CSMD3: variants seen among roughly 807,000 people sequenced by gnomAD.
The protein encoded by CSMD3 is CUB and Sushi multiple domains 3, also known as CUB and sushi domain-containing protein 3.
A neutral mutation model predicts 435.2 loss-of-function variants in CSMD3; 177 were observed. That is an observed-to-expected ratio of 0.41 (90% CI 0.36 to 0.46). The LOEUF is 0.46. Among genes scored for constraint, CSMD3 ranks in the 20% least tolerant of loss-of-function variants. CSMD3 has a pLI of 0.34. For missense variants in CSMD3, 4,265 were observed against 4,504.6 expected, an observed-to-expected ratio of 0.95 and a Z score of 1.52; for synonymous variants, 1,656 against 1,520.5, an observed-to-expected ratio of 1.09 and a Z score of -2.07.
intron 3 of CSMD3, among the ~76,000 whole-genome samples, chr8:113,215,234 C>T (rs761578196): frequency 3.3e-5 from 5 of 151,868 alleles, no homozygotes; most frequent in Non-Finnish European, 4.4e-5. Flanking sequence ...AAAATTCTGA[C>T]ATGGTTTGGT....
chr8:113,265,468 G>C (rs1439851616), intron 3 of CSMD3, among the ~76,000 whole-genome samples: 1 of 151,582 alleles, frequency 6.6e-6, no homozygotes, highest in African/African-American at 2.4e-5. Context: ...GGTTGTGTAT[G>C]CTACACTAAG....
intron 56 of CSMD3, among the ~76,000 whole-genome samples, chr8:112,290,019 A>ATTTTCCT (rs1445753606): frequency 2.0e-5 from 3 of 152,126 alleles, no homozygotes; most frequent in Non-Finnish European, 4.4e-5. Context: ...GATTCAATGA[A>ATTTTCCT]GATTGATCTG....
At chr8:113,311,214 T>C (rs940838660) in intron 2 of CSMD3, 2 of 152,270 alleles carry the variant, frequency 1.3e-5, no homozygotes, top group African/African-American at 4.8e-5. Flanking sequence ...TCAGCACTTG[T>C]TCTAAGATAA....
At chr8:112,766,599 T>C (rs959595348) in intron 13 of CSMD3, among the ~76,000 whole-genome samples, 3 of 152,008 alleles carry the variant, frequency 2.0e-5, no homozygotes, top group East Asian at 3.9e-4. Flanking sequence ...TCAGCATCTT[T>C]ACTAGCAATG....
rs111398037 is a variant in CSMD3 at position 113,018,606 on chromosome 8, C to T, written c.1030+461G>A. 6.0e-3 allele frequency among the ~76,000 whole-genome samples: 906 copies of T among 152,086 alleles called. 4 individuals carry two copies. The highest frequency in any genetic ancestry group is 0.019 in the African/African-American group (799 of 41,494). On this transcript the variant is annotated intron_variant, in intron 6 of 70. Transcript: ENST00000297405. ...AAGTTAATGCATCAAATATTATATC[C>T]TATGTATTGAAAATTATTTATGTTA...
At chr8:112,892,901 A>G (rs2081840346) in intron 10 of CSMD3, among the ~76,000 whole-genome samples, 1 of 151,486 alleles carries the variant, frequency 6.6e-6, no homozygotes, top group South Asian at 2.1e-4. Context: ...TTTGTTAACC[A>G]TTCAATCTCC....
chr8:112,547,226 G>A (rs1217058141), intron 27 of CSMD3, among the ~76,000 whole-genome samples: 1 of 151,888 alleles, frequency 6.6e-6, no homozygotes. Context: ...CCTTAAGTTT[G>A]GATAGTAAAT....
intron 13 of CSMD3, among the ~76,000 whole-genome samples, chr8:112,798,112 G>C (rs2078871924): frequency 1.3e-5 from 2 of 151,848 alleles, no homozygotes; most frequent in Admixed American, 6.6e-5. Context: ...AGCTAACGAA[G>C]TCTTCATAGA....
chr8:112,635,759 C>T (rs1298458548), intron 22 of CSMD3, among the ~76,000 whole-genome samples: 1 of 152,114 alleles, frequency 6.6e-6, no homozygotes, highest in Non-Finnish European at 1.5e-5. Context: ...CAGGAATTCC[C>T]ACATTCTATA....
intron 4 of CSMD3, among the ~76,000 whole-genome samples, chr8:113,164,564 G>C (rs2092113508): frequency 6.6e-6 from 1 of 151,718 alleles, no homozygotes; most frequent in Non-Finnish European, 1.5e-5. Context: ...AATGGAAAAA[G>C]CCTAAGAAAA....
At chr8:112,522,455 T>G (rs1315332051) in intron 27 of CSMD3, among the ~76,000 whole-genome samples, 1 of 151,862 alleles carries the variant, frequency 6.6e-6, no homozygotes, top group African/African-American at 2.4e-5. Context: ...CATTCGTCAT[T>G]AAGTAACACG....
intron 4 of CSMD3, among the ~76,000 whole-genome samples, chr8:113,152,787 T>C (rs575044301): frequency 6.6e-6 from 1 of 151,822 alleles, no homozygotes; most frequent in Non-Finnish European, 1.5e-5. Flanking sequence ...GAAACTAGCC[T>C]GGCCAACATT....
chr8:113,012,663 G>A (rs1160681361), intron 6 of CSMD3, among the ~76,000 whole-genome samples: 2 of 151,974 alleles, frequency 1.3e-5, no homozygotes, highest in Non-Finnish European at 2.9e-5. Flanking sequence ...TGTCATGAGT[G>A]TAAGTTTCCT....
intron 13 of CSMD3, among the ~76,000 whole-genome samples, chr8:112,700,732 T>G (rs965456943): frequency 6.6e-6 from 1 of 152,056 alleles, no homozygotes; most frequent in Non-Finnish European, 1.5e-5. Context: ...AATTGCAACA[T>G]AAACTACTAT....
At chr8:113,198,944 T>G (rs567063783) in intron 3 of CSMD3, among the ~76,000 whole-genome samples, 4 of 151,484 alleles carry the variant, frequency 2.6e-5, no homozygotes, top group African/African-American at 9.6e-5. Flanking sequence ...AATTTCCTGC[T>G]TGAAATAAAT....
At chr8:113,407,363 A>T (rs1443879586) in intron 1 of CSMD3, among the ~76,000 whole-genome samples, 1 of 152,160 alleles carries the variant, frequency 6.6e-6, no homozygotes, top group Non-Finnish European at 1.5e-5. Flanking sequence ...TAAGTGAGCC[A>T]CCATGTACAA....
At chr8:112,342,995 A>T (rs1463981504) in intron 41 of CSMD3, among the ~76,000 whole-genome samples, 6 of 29,648 alleles carry the variant, frequency 2.0e-4, no homozygotes, top group South Asian at 2.2e-3. Context: ...ATTTATATAT[A>T]TATATTTATA....
intron 3 of CSMD3, among the ~76,000 whole-genome samples, chr8:113,204,345 T>C (rs1588270093): frequency 1.3e-5 from 2 of 152,158 alleles, no homozygotes; most frequent in East Asian, 3.9e-4. Context: ...TTTTGGCTCT[T>C]ACCCCAGGTA....
intron 40 of CSMD3, among the ~76,000 whole-genome samples, chr8:112,346,724 G>A (rs916641922): frequency 3.7e-5 from 5 of 134,766 alleles, no homozygotes; most frequent in African/African-American, 1.5e-4. Flanking sequence ...TGTCACCCAG[G>A]CTGGAGTGCA....
Sources: allele counts gnomAD v4.1 joint callset (sites outside exome capture counted in the v4.1 genomes callset), GRCh38; gene constraint gnomAD v4.1.1; transcripts MANE v1.5; gene names NCBI Gene and HGNC (gene_info 2026-07-23, HGNC 2026-07-21).